The following MED12L variants were observed in gnomAD, a reference collection of about 807,000 sequenced individuals.
The protein encoded by MED12L is mediator of RNA polymerase II transcription subunit 12-like protein.
Under a neutral mutation model 281.3 loss-of-function variants are expected in MED12L, and 60 were observed. The observed-to-expected ratio is 0.21, with a 90% CI of 0.17 to 0.26. The LOEUF (loss-of-function observed/expected upper bound fraction) is 0.26, where lower values mean the gene tolerates loss of function less well. MED12L is among the 10% of genes least tolerant of loss of function. The probability of loss-of-function intolerance (pLI) is 1.00; values close to 1 mark genes in which losing one functional copy is unlikely to be tolerated. For missense variants in MED12L, 2,146 were observed against 2,680.9 expected (o/e 0.80, Z 4.41); for synonymous variants, 974 against 987.2 (o/e 0.99, Z 0.25).
intron 16 of MED12L, among the ~76,000 whole-genome samples, chr3:151,281,023 GAAGT>G (rs767598051): frequency 1.3e-5 from 2 of 151,788 alleles, no homozygotes; most frequent in Non-Finnish European, 2.9e-5. Context: ...ATTAGAATTG[GAAGT>G]AAGTATTAAT....
chr3:151,282,804 C>G (rs911532334), intron 16 of MED12L, among the ~76,000 whole-genome samples: 6 of 152,084 alleles, frequency 3.9e-5, no homozygotes, highest in African/African-American at 1.4e-4. Flanking sequence ...AGTTTTTGAG[C>G]TTTGTAGTAA....
intron 31 of MED12L, among the ~76,000 whole-genome samples, 156 bp downstream of exon 31, chr3:151,378,329 C>T (rs1290258168): frequency 6.6e-6 from 1 of 152,120 alleles, no homozygotes; most frequent in Non-Finnish European, 1.5e-5. Context: ...CTGTCTTATT[C>T]CTAAAAAATT....
chr3:151,385,591 A>G (rs1457535219), intron 36 of MED12L, among the ~76,000 whole-genome samples: 1 of 152,088 alleles, frequency 6.6e-6, no homozygotes, highest in Non-Finnish European at 1.5e-5. Context: ...AGTTCCAGCT[A>G]CTTGGGAGGC....
rs556519636 is a variant in MED12L at position 151,317,246 on chromosome 3, GTAGACATATTTTTACACATACACAA to G, written c.2251-32786_2251-32762del. Reference sequence around the variant, plus strand: ...TAGTCTTATGAAACTAATGAAATCTGTAGACATATTTTTACACATACACAATAGACATATTTTTACACATACACAA... The same window carrying G: ...TAGTCTTATGAAACTAATGAAATCTGTAGACATATTTTTACACATACACAA... On this transcript the variant is annotated intron_variant, in intron 16 of 44. Coordinates refer to ENST00000687756, the MANE Select transcript of MED12L (RefSeq NM_001393769.1). Among the ~76,000 whole-genome samples the G allele has an allele frequency of 1.9e-3, 292 of 152,050 alleles. 1 individual carries two copies. The highest frequency in any genetic ancestry group is 6.7e-3 in the African/African-American group (279 of 41,454).
chr3:151,296,885 C>T (rs929413985), intron 16 of MED12L, among the ~76,000 whole-genome samples: 1 of 152,110 alleles, frequency 6.6e-6, no homozygotes, highest in East Asian at 1.9e-4. Context: ...TTTAAGCCCT[C>T]ACTGCCCTGC....
intron 5 of MED12L, among the ~76,000 whole-genome samples, chr3:151,139,580 T>C (rs1716635746): frequency 6.6e-6 from 1 of 152,230 alleles, no homozygotes; most frequent in Non-Finnish European, 1.5e-5. Context: ...AGTATTAACA[T>C]GGACTAGACC....
intron 5 of MED12L, among the ~76,000 whole-genome samples, chr3:151,136,412 G>A (rs1226671278): frequency 1.3e-5 from 2 of 152,238 alleles, no homozygotes; most frequent in Non-Finnish European, 2.9e-5. Flanking sequence ...TTGTCATAAA[G>A]GCGATATCTG....
chr3:151,412,465 G>C (rs149564403), intron 41 of MED12L, among the ~76,000 whole-genome samples: 1 of 152,172 alleles, frequency 6.6e-6, no homozygotes, highest in South Asian at 2.1e-4. Flanking sequence ...CATGTAAAAC[G>C]TGTCCATCTA....
intron 16 of MED12L, among the ~76,000 whole-genome samples, chr3:151,237,350 CTTTTTTTTT>C (rs57239604): frequency 1.1e-5 from 1 of 94,602 alleles, no homozygotes; most frequent in African/African-American, 4.1e-5. Flanking sequence ...TTTTTTTTTT[CTTTTTTTTT>C]TTTTTTTGAG....
intron 5 of MED12L, among the ~76,000 whole-genome samples, chr3:151,143,058 A>G (rs1576817908): frequency 2.6e-5 from 4 of 152,342 alleles, no homozygotes; most frequent in Admixed American, 2.6e-4. Context: ...TAATTAAATG[A>G]ACATAACATG....
At chr3:151,316,136 A>G (rs1748201541) in intron 16 of MED12L, among the ~76,000 whole-genome samples, 1 of 152,174 alleles carries the variant, frequency 6.6e-6, no homozygotes, top group Non-Finnish European at 1.5e-5. Flanking sequence ...TTTGTGGTAC[A>G]ATGAAAAGAC....
chr3:151,243,956 G>A (rs1167284530), intron 16 of MED12L, among the ~76,000 whole-genome samples: 2 of 146,282 alleles, frequency 1.4e-5, no homozygotes, highest in African/African-American at 5.0e-5. Flanking sequence ...AAAAAGGCAG[G>A]GGTTGCAATA....
At chr3:151,376,695 G>T in intron 28 of MED12L, 105 bp from the exon 29 acceptor site, 2 of 916,106 alleles carry the variant, frequency 2.2e-6, no homozygotes, top group Non-Finnish European at 3.4e-6. Context: ...ATTTCATTGT[G>T]TATGATTATT....
At chr3:151,104,543 A>G (rs1721774517) in intron 2 of MED12L, among the ~76,000 whole-genome samples, 1 of 152,090 alleles carries the variant, frequency 6.6e-6, no homozygotes, top group Admixed American at 6.5e-5. Context: ...CTCTGCAGTA[A>G]TGGTCTCCAT....
At chr3:151,271,029 A>C (rs987098172) in intron 16 of MED12L, among the ~76,000 whole-genome samples, 2 of 152,134 alleles carry the variant, frequency 1.3e-5, no homozygotes, top group Admixed American at 6.6e-5. Flanking sequence ...AAAAAAAAAA[A>C]ATCCCCAAAT....
At position 151,163,936 on chromosome 3, in the gene MED12L, C is replaced by T. The variant is rs1426821706; in HGVS notation, c.1151C>T (p.Ser384Phe). ...CCAAGTGCCTTGGTGTGGAATTATT[C>T]CACAAATGAAAATAAGAGCGCAAAC... ...CCPSALVWNYSTNENKSANPG... is the reference protein window; with the variant it reads ...CCPSALVWNYFTNENKSANPG... The change falls in exon 9 of 45, where the codon TCC becomes TTC. Residue 384 changes from serine (S) to phenylalanine (F), a missense_variant. Ser to Phe is a radical substitution (Grantham distance 155). This residue lies in a region of MED12L where 722 missense variants were observed against 861.2 expected (regional missense o/e 0.84). Coordinates refer to ENST00000687756, the MANE Select transcript of MED12L (RefSeq NM_001393769.1). 1 of 1,613,458 alleles carries T rather than the reference C, an allele frequency of 6.2e-7. No individual in the cohort carries two copies. Among genetic ancestry groups the T allele is most frequent in the Non-Finnish European group, 8.5e-7 (1 of 1,179,658 alleles).
intron 16 of MED12L, among the ~76,000 whole-genome samples, chr3:151,218,577 G>A (rs566448422): frequency 6.6e-6 from 1 of 152,038 alleles, no homozygotes; most frequent in African/African-American, 2.4e-5. Flanking sequence ...TTTTTAAAAA[G>A]GAATACTGTG....
chr3:151,382,648 G>A lies in MED12L; in HGVS notation c.4591-8G>A. On this transcript the variant is annotated splice_polypyrimidine_tract_variant and splice_region_variant and intron_variant, in intron 32 of 44. Coordinates refer to ENST00000687756, the MANE Select transcript of MED12L (RefSeq NM_001393769.1). ...AACTTTAATGGGGAGTTTTTTTCCG[G>A]ATCTTAGATTTTAAGTAACTGGAGA... 6.3e-7 allele frequency: 1 copy of A among 1,599,570 alleles called. No homozygotes were observed. The highest frequency in any genetic ancestry group is 2.3e-5 in the East Asian group (1 of 44,228).
chr3:151,296,164 A>G (rs918897932), intron 16 of MED12L, among the ~76,000 whole-genome samples: 2 of 152,194 alleles, frequency 1.3e-5, no homozygotes, highest in African/African-American at 2.4e-5. Flanking sequence ...TTTTGTTTAC[A>G]AGGCTAGGTT....
Sources: gnomAD v4.1 joint callset for allele counts (sites outside exome capture counted in the v4.1 genomes callset) on GRCh38, gnomAD v4.1.1 for gene constraint, gnomAD v4.1.1 regional missense constraint, MANE v1.5 for transcripts, NCBI Gene and HGNC (gene_info 2026-07-23, HGNC 2026-07-21) for gene names.